SOX5: variants seen among roughly 807,000 people sequenced by gnomAD.
SOX5 encodes the protein transcription factor SOX-5.
Under a neutral mutation model 92.0 loss-of-function variants are expected in SOX5, and 9 were observed. That is an observed-to-expected ratio of 0.10 (90% CI 0.06 to 0.17). The LOEUF is 0.17. SOX5 is among the 10% of genes least tolerant of loss of function. The probability of loss-of-function intolerance (pLI) is 1.00; values close to 1 mark genes in which losing one functional copy is unlikely to be tolerated. For missense variants in SOX5, 642 were observed against 944.5 expected (o/e 0.68, Z 4.20); for synonymous variants, 344 against 336.3 (o/e 1.02, Z -0.25).
At chr12:24,499,114 C>T (rs1238097670) in intron 1 of SOX5, among the ~76,000 whole-genome samples, 1 of 152,196 alleles carries the variant, frequency 6.6e-6, no homozygotes, top group African/African-American at 2.4e-5. Flanking sequence ...TCACAGCATG[C>T]ATCGCCATCA....
chr12:24,423,281 A>G (rs75385614), intron 1 of SOX5, among the ~76,000 whole-genome samples: 8,326 of 152,294 alleles, frequency 0.055, 292 homozygotes, highest in Middle Eastern at 0.095. Flanking sequence ...TCAAGTCTCA[A>G]TTGATTCTGA....
At chr12:24,413,737 C>A (rs894974237) in intron 1 of SOX5, among the ~76,000 whole-genome samples, 1 of 152,172 alleles carries the variant, frequency 6.6e-6, no homozygotes, top group Non-Finnish European at 1.5e-5. Flanking sequence ...GATATTATTG[C>A]AGACACTAGC....
At chr12:24,326,130 C>A (rs1950655445) in intron 2 of SOX5, among the ~76,000 whole-genome samples, 1 of 152,132 alleles carries the variant, frequency 6.6e-6, no homozygotes, top group South Asian at 2.1e-4. Flanking sequence ...TTCTGTACAG[C>A]ATCTGGCACA....
chr12:23,626,620 T>G (rs1167834079), intron 8 of SOX5, among the ~76,000 whole-genome samples: 3 of 150,912 alleles, frequency 2.0e-5, no homozygotes, highest in Non-Finnish European at 4.4e-5. Flanking sequence ...ACTCACAAGG[T>G]GCAGAGTTTC....
chr12:24,285,850 C>G (rs1001887738), intron 2 of SOX5, among the ~76,000 whole-genome samples: 1 of 152,138 alleles, frequency 6.6e-6, no homozygotes, highest in Non-Finnish European at 1.5e-5. Flanking sequence ...TTCTGTGAAA[C>G]AGACATGTGC....
At chr12:23,639,115 T>A (rs1592830007) in intron 8 of SOX5, among the ~76,000 whole-genome samples, 1 of 152,124 alleles carries the variant, frequency 6.6e-6, no homozygotes, top group South Asian at 2.1e-4. Context: ...ATATGTTTGG[T>A]GTCTAAAGTT....
At chr12:24,167,071 A>G (rs1953500428) in intron 4 of SOX5, among the ~76,000 whole-genome samples, 1 of 152,228 alleles carries the variant, frequency 6.6e-6, no homozygotes, top group Non-Finnish European at 1.5e-5. Flanking sequence ...GATGCTAGCT[A>G]TCATTAACAT....
intron 6 of SOX5, among the ~76,000 whole-genome samples, chr12:23,700,760 T>TA (rs969981699): frequency 6.6e-6 from 1 of 152,052 alleles, no homozygotes; most frequent in Admixed American, 6.6e-5. Context: ...TCAAGCCAAA[T>TA]AAAAAAGTAT....
chr12:24,291,338 A>G (rs560956235), intron 2 of SOX5, among the ~76,000 whole-genome samples: 1 of 152,382 alleles, frequency 6.6e-6, no homozygotes, highest in East Asian at 1.9e-4. Flanking sequence ...TTCCAAAGGC[A>G]TGAGCAGGTA....
intron 4 of SOX5, among the ~76,000 whole-genome samples, chr12:24,146,733 G>T (rs1345842942): frequency 2.1e-5 from 3 of 145,388 alleles, no homozygotes; most frequent in African/African-American, 7.6e-5. Context: ...AGGCTGGTCA[G>T]GAGGAAAAAA....
intron 6 of SOX5, among the ~76,000 whole-genome samples, chr12:23,714,082 C>G (rs931972532): frequency 6.8e-6 from 1 of 147,638 alleles, no homozygotes; most frequent in African/African-American, 2.5e-5. Flanking sequence ...CAAAGCAAGA[C>G]TCCGCCTCAA....
chr12:24,144,828 C>CA (rs151325236), intron 4 of SOX5, among the ~76,000 whole-genome samples: 17,267 of 148,966 alleles, frequency 0.12, 1,317 homozygotes, highest in East Asian at 0.37. Flanking sequence ...GACCCTGTCT[C>CA]AAAAAAAAGA....
chr12:24,545,795 G>T (rs897641161), intron 1 of SOX5, among the ~76,000 whole-genome samples: 1 of 152,114 alleles, frequency 6.6e-6, no homozygotes, highest in Non-Finnish European at 1.5e-5. Context: ...TTAGAGTTGT[G>T]GCCCCTCCAC....
At chr12:23,765,787 C>T (rs1397696828) in intron 3 of SOX5, among the ~76,000 whole-genome samples, 1 of 152,096 alleles carries the variant, frequency 6.6e-6, no homozygotes, top group East Asian at 1.9e-4. Flanking sequence ...CACAAACATG[C>T]ATGCTCACAT....
At position 23,863,962 on chromosome 12, in the gene SOX5, T is replaced by C. The variant is rs145528376; in HGVS notation, c.271-17769A>G. Among the ~76,000 whole-genome samples, 698 of 151,644 alleles carry C rather than the reference T, an allele frequency of 4.6e-3. 5 individuals carry two copies. The highest frequency in any genetic ancestry group is 0.016 in the African/African-American group (677 of 41,472). On this transcript the variant is annotated intron_variant, in intron 2 of 14. Coordinates refer to ENST00000451604, the MANE Select transcript of SOX5 (RefSeq NM_006940.6). ...CTTGTTTTATGGCACTCTGCTTTAC[T>C]GTGCTCCACAAATATAGCTTTTTTT...
intron 3 of SOX5, among the ~76,000 whole-genome samples, chr12:23,812,906 A>C (rs1345746538): frequency 6.6e-6 from 1 of 152,208 alleles, no homozygotes; most frequent in East Asian, 1.9e-4. Context: ...CGACAGTAAC[A>C]TTCAAGTGGC....
chr12:23,877,064 C>A (rs1308287049), intron 2 of SOX5, among the ~76,000 whole-genome samples: 1 of 152,088 alleles, frequency 6.6e-6, no homozygotes, highest in Non-Finnish European at 1.5e-5. Context: ...ATGGGTACAG[C>A]ATACCACTAT....
At chr12:23,704,531 G>A (rs2091100058) in intron 6 of SOX5, among the ~76,000 whole-genome samples, 1 of 151,132 alleles carries the variant, frequency 6.6e-6, no homozygotes, top group Non-Finnish European at 1.5e-5. Flanking sequence ...AATAAGGTGA[G>A]GGTGACGTAT....
At chr12:23,871,435 C>A (rs78182318) in intron 2 of SOX5, among the ~76,000 whole-genome samples, 1 of 152,072 alleles carries the variant, frequency 6.6e-6, no homozygotes, top group African/African-American at 2.4e-5. Context: ...GAATGAAATG[C>A]CAATTTCAGA....
Sources: allele counts gnomAD v4.1 joint callset (sites outside exome capture counted in the v4.1 genomes callset), GRCh38; gene constraint gnomAD v4.1.1; transcripts MANE v1.5; gene names NCBI Gene and HGNC (gene_info 2026-07-23, HGNC 2026-07-21).